Variants in PTOV1 observed in about 807,000 individuals in gnomAD.
The protein encoded by PTOV1 is PTOV1 extended AT-hook containing adaptor protein, also known as prostate tumor-overexpressed gene 1 protein.
A neutral mutation model predicts 58.0 loss-of-function variants in PTOV1; 20 were observed. The ratio of observed to expected loss-of-function variants is 0.34; its 90% CI spans 0.24 to 0.50. The LOEUF (loss-of-function observed/expected upper bound fraction) is 0.50. Among genes scored for constraint, PTOV1 ranks in the 20% least tolerant of loss-of-function variants. The pLI, the probability that PTOV1 is intolerant of heterozygous loss-of-function variation, is 0.98. For missense variants in PTOV1, 593 were observed against 565.4 expected (o/e 1.05, Z -0.50); for synonymous variants, 335 against 234.2 (o/e 1.43, Z -3.93).
exon 1 of PTOV1, chr19:49,851,296 G>A: frequency 9.5e-7 from 1 of 1,056,592 alleles, no homozygotes; most frequent in Non-Finnish European, 1.1e-6. Context: ...TGTGGCCCGC[G>A]GCAGCTCCCC....
At chr19:49,851,872 TTG>T in intron 1 of PTOV1, 1 of 986,326 alleles carries the variant, frequency 1.0e-6, no homozygotes, top group Non-Finnish European at 1.2e-6. Context: ...GGGGGCGGTT[TTG>T]GGGGACAGCG....
At chr19:49,856,488 C>G (rs903700984) in intron 5 of PTOV1, 2 of 169,816 alleles carry the variant, frequency 1.2e-5, no homozygotes, top group African/African-American at 4.8e-5. Flanking sequence ...GCGCCATCCT[C>G]AAGAGGCACC....
exon 7 of PTOV1, chr19:49,857,756 T>G (rs2074543324): frequency 1.2e-6 from 2 of 1,614,076 alleles, no homozygotes; most frequent in Non-Finnish European, 1.7e-6. Context: ...GTTTCTGGCA[T>G]GGAGTGGTGT....
chr19:49,851,176 G>C, exon 1 of PTOV1: 3 of 1,233,692 alleles, frequency 2.4e-6, no homozygotes, highest in Non-Finnish European at 3.0e-6. Context: ...CGGCCGCGGC[G>C]ACCCCACTCC....
exon 12 of PTOV1, chr19:49,860,452 G>A: frequency 9.9e-7 from 1 of 1,009,244 alleles, no homozygotes; most frequent in Non-Finnish European, 1.4e-6. Context: ...GGGAGAGGCA[G>A]CAGTCCCAGC....
chr19:49,856,575 A>T, intron 5 of PTOV1: 1 of 217,368 alleles, frequency 4.6e-6, no homozygotes, highest in Non-Finnish European at 9.3e-6. Context: ...ATGGAGGCCC[A>T]GAAGCAGGAG....
At chr19:49,851,594 C>T (rs913817809) in intron 1 of PTOV1, 95 bp downstream of exon 1, 24 of 1,006,514 alleles carry the variant, frequency 2.4e-5, no homozygotes, top group Non-Finnish European at 2.6e-5. Flanking sequence ...CCCGCCGCTC[C>T]GGGGTGTCCC....
chr19:49,851,824 G>C, intron 1 of PTOV1: 1 of 1,004,792 alleles, frequency 1.0e-6, no homozygotes, highest in Non-Finnish European at 1.2e-6. Context: ...TTTTCCTATT[G>C]GAGAGTTGCT....
intron 10 of PTOV1, 134 bp downstream of exon 10, chr19:49,858,787 G>A (rs1304693090): frequency 2.7e-6 from 2 of 750,750 alleles, no homozygotes; most frequent in African/African-American, 1.7e-5. Context: ...TGGCTAGTGT[G>A]GGCGTGACTT....
chr19:49,858,071 G>A lies in PTOV1; in HGVS notation c.893G>A (p.Trp298Ter). The change falls in exon 9 of 12, where the codon TGG (tryptophan) becomes TAG (stop). Residue 298 changes from tryptophan (W) to a stop codon, truncating the protein, a stop_gained. Coordinates refer to ENST00000391842, the Ensembl canonical transcript of PTOV1. LOFTEE classifies it high-confidence loss of function. Reference sequence around the variant, plus strand: ...GTGCCCCACAGGAGGACCGAGCAGTGGCCAAGGAAGCTGTACATGCAGCTC... The same window carrying A: ...GTGCCCCACAGGAGGACCGAGCAGTAGCCAAGGAAGCTGTACATGCAGCTC... 1 of 1,614,054 alleles carries A rather than the reference G, an allele frequency of 6.2e-7. No homozygotes were observed. The highest frequency in any genetic ancestry group is 1.1e-5 in the South Asian group (1 of 91,064).
chr19:49,851,282 C>G (rs1355911203), exon 1 of PTOV1: 7 of 1,075,116 alleles, frequency 6.5e-6, no homozygotes, highest in Non-Finnish European at 6.7e-6. Context: ...CCCGCAGCCC[C>G]CCTTGTGGCC....
At chr19:49,858,304 C>T in intron 9 of PTOV1, 190 bp downstream of exon 9, 1 of 807,388 alleles carries the variant, frequency 1.2e-6, no homozygotes, top group Non-Finnish European at 1.9e-6. Context: ...CAGCTGGTGG[C>T]TGTGCAGGGA....
upstream of PTOV1, chr19:49,850,802 C>A (rs2122148221): frequency 1.3e-6 from 2 of 1,502,678 alleles, no homozygotes; most frequent in East Asian, 5.0e-5. Context: ...CCTTTGTCCC[C>A]AGGCCCATTA....
At chr19:49,850,925 T>A, upstream of PTOV1, 1 of 1,535,878 alleles carries the variant, frequency 6.5e-7, no homozygotes, top group Non-Finnish European at 8.7e-7. Flanking sequence ...GCCAGCTTGG[T>A]GTCGCCTTCG....
At chr19:49,860,355 A>T in exon 12 of PTOV1, 1 of 788,156 alleles carries the variant, frequency 1.3e-6, no homozygotes, top group Non-Finnish European at 2.0e-6. Flanking sequence ...TGACCCTGTC[A>T]TGTACAGGAG....
chr19:49,860,705 CCCTCTA>C, exon 12 of PTOV1: 1 of 345,014 alleles, frequency 2.9e-6, no homozygotes, highest in East Asian at 5.6e-5. Context: ...CGGTCCCCAC[CCCTCTA>C]CGTTTCCCCA....
intron 1 of PTOV1, chr19:49,851,707 G>T (rs2074256148): frequency 8.7e-7 from 1 of 1,151,078 alleles, no homozygotes; most frequent in East Asian, 4.1e-5. Context: ...GGCCGGGGTG[G>T]GGGGTTGGGG....
chr19:49,854,486 C>G, exon 2 of PTOV1: 2 of 1,612,832 alleles, frequency 1.2e-6, no homozygotes, highest in Non-Finnish European at 1.7e-6. Context: ...TGGCCGTGAG[C>G]GAGCACCGGC....
chr19:49,854,943 C>T (rs1375097780), intron 4 of PTOV1, 27 bp from the exon 5 acceptor site: 9 of 1,544,242 alleles, frequency 5.8e-6, no homozygotes, highest in Non-Finnish European at 7.9e-6. Flanking sequence ...GCCTGGCTGA[C>T]CCAGCTGTCT....
Sources: gnomAD v4.1 joint callset for allele counts on GRCh38, gnomAD v4.1.1 for gene constraint, MANE v1.5 for transcripts, NCBI Gene and HGNC (gene_info 2026-07-23, HGNC 2026-07-21) for gene names.